Variants in OSBP2 observed in about 807,000 individuals in gnomAD.
The protein encoded by OSBP2 is oxysterol-binding protein 2.
In OSBP2, 66 loss-of-function variants were observed where a neutral mutation model predicts 96.0. The observed-to-expected ratio is 0.69, with a 90% CI of 0.56 to 0.84. OSBP2 has a LOEUF of 0.84. OSBP2 is among the 40% of genes least tolerant of loss of function. The pLI is 0.00. For missense variants in OSBP2, 1,038 were observed against 1,222.7 expected, an observed-to-expected ratio of 0.85 and a Z score of 2.25; for synonymous variants, 525 against 520.9, an observed-to-expected ratio of 1.01 and a Z score of -0.11.
chr22:30,850,300 C>G (rs2038955118), intron 2 of OSBP2, among the ~76,000 whole-genome samples: 1 of 129,860 alleles, frequency 7.7e-6, no homozygotes, highest in South Asian at 2.9e-4. Flanking sequence ...GAGCTAGACT[C>G]TGTCTCAAAA....
chr22:30,779,677 C>T (rs1327849284), intron 2 of OSBP2, among the ~76,000 whole-genome samples: 1 of 152,154 alleles, frequency 6.6e-6, no homozygotes, highest in Non-Finnish European at 1.5e-5. Flanking sequence ...CCCACATTTG[C>T]CCTTCACTGA....
intron 1 of OSBP2, among the ~76,000 whole-genome samples, chr22:30,717,163 C>T (rs1207284567): frequency 6.8e-6 from 1 of 146,914 alleles, no homozygotes; most frequent in African/African-American, 2.6e-5. Flanking sequence ...GTTGCTCAGG[C>T]TGATCTTGAA....
chr22:30,850,507 C>T (rs1171879289), intron 2 of OSBP2, among the ~76,000 whole-genome samples: 2 of 151,930 alleles, frequency 1.3e-5, no homozygotes, highest in Non-Finnish European at 1.5e-5. Flanking sequence ...ATTCTTCATC[C>T]TTTGATTTTT....
chr22:30,865,556 C>T (rs1459638832), intron 2 of OSBP2, among the ~76,000 whole-genome samples: 2 of 142,146 alleles, frequency 1.4e-5, no homozygotes, highest in Non-Finnish European at 3.0e-5. Context: ...TGCATGAACC[C>T]AGGAGGTGGA....
At chr22:30,828,546 C>T (rs1160016521) in intron 2 of OSBP2, among the ~76,000 whole-genome samples, 1 of 152,210 alleles carries the variant, frequency 6.6e-6, no homozygotes, top group Non-Finnish European at 1.5e-5. Context: ...TTGAGGCATG[C>T]AGGAGTCCAT....
chr22:30,868,715 C>G lies in OSBP2; in HGVS notation c.854-1714C>G, dbSNP rs374719837. On this transcript the variant is annotated intron_variant, in intron 2 of 13. Transcript: ENST00000332585. ...TGGATGCTGACCCAAGCCCCTGTGGCCAGAGGGGGACAGGGTATGCCGTGG... is the reference window on the plus strand; with the variant it reads ...TGGATGCTGACCCAAGCCCCTGTGGGCAGAGGGGGACAGGGTATGCCGTGG... Among the ~76,000 whole-genome samples, 415 of 152,302 alleles carry G rather than the reference C, an allele frequency of 2.7e-3. 26 individuals are homozygous for G. The South Asian group carries it at 0.085, about 31-fold the overall frequency.
chr22:30,906,507 A>C lies in OSBP2; in HGVS notation c.*168A>C. On this transcript the variant is annotated 3_prime_UTR_variant, in exon 14 of 14. Coordinates refer to ENST00000332585, the MANE Select transcript of OSBP2 (RefSeq NM_030758.4). ...CACTTTCTTGGGACTCCCACCTTGGAAGGAGGAAGGGCTGACCTGGGTTCT... is the reference window on the plus strand; with the variant it reads ...CACTTTCTTGGGACTCCCACCTTGGCAGGAGGAAGGGCTGACCTGGGTTCT... 1.2e-6 allele frequency: 1 copy of C among 818,932 alleles called. No homozygotes were observed. The highest frequency in any genetic ancestry group is 2.4e-5 in the South Asian group (1 of 41,252). The allele number at this position is 818,932 out of a possible 1,614,324, so 50.7% of individuals were successfully genotyped here.
At chr22:30,743,277 G>A (rs1211883067) in intron 2 of OSBP2, among the ~76,000 whole-genome samples, 1 of 152,182 alleles carries the variant, frequency 6.6e-6, no homozygotes, top group Non-Finnish European at 1.5e-5. Flanking sequence ...GTTGGGGTCT[G>A]TCTCCCAGCT....
At chr22:30,818,560 C>T (rs956260176) in intron 2 of OSBP2, among the ~76,000 whole-genome samples, 1 of 152,106 alleles carries the variant, frequency 6.6e-6, no homozygotes, top group Admixed American at 6.6e-5. Flanking sequence ...TTTCTGGGGC[C>T]GCCGTGAGTG....
intron 1 of OSBP2, among the ~76,000 whole-genome samples, chr22:30,717,091 TGTGTGTGTGTGTGTGTG>T (rs2089472643): frequency 1.6e-5 from 1 of 64,292 alleles, no homozygotes; most frequent in Admixed American, 1.7e-4. Context: ...TTACTGTTTT[TGTGTGTGTGTGTGTGTG>T]TGTGTGTGTG....
intron 2 of OSBP2, among the ~76,000 whole-genome samples, chr22:30,782,641 C>T (rs546234516): frequency 8.8e-4 from 134 of 152,290 alleles, no homozygotes; most frequent in Non-Finnish European, 1.6e-3. Flanking sequence ...ATTGTGTGGA[C>T]GCACCACAGT....
At chr22:30,751,648 C>A (rs966929379) in intron 2 of OSBP2, among the ~76,000 whole-genome samples, 1 of 152,196 alleles carries the variant, frequency 6.6e-6, no homozygotes, top group African/African-American at 2.4e-5. Context: ...AGCCACTGCG[C>A]CCAGCCCTCT....
intron 2 of OSBP2, among the ~76,000 whole-genome samples, chr22:30,779,022 G>T (rs5753309): frequency 0.46 from 68,614 of 149,952 alleles, 17,415 homozygotes; most frequent in African/African-American, 0.7. Context: ...GGCAACAGAA[G>T]GAGACTCCAT....
intron 3 of OSBP2, among the ~76,000 whole-genome samples, chr22:30,880,981 A>T (rs563283935): frequency 6.6e-6 from 1 of 152,266 alleles, no homozygotes; most frequent in East Asian, 1.9e-4. Context: ...CCTGGTGGTC[A>T]GGCAGGGCCT....
intron 1 of OSBP2, among the ~76,000 whole-genome samples, chr22:30,716,668 C>T (rs2089461619): frequency 6.6e-6 from 1 of 152,108 alleles, no homozygotes; most frequent in Admixed American, 6.6e-5. Context: ...GAACTCCTGA[C>T]CTCAAGTGAT....
intron 2 of OSBP2, among the ~76,000 whole-genome samples, chr22:30,854,910 G>A (rs2039050341): frequency 6.6e-6 from 1 of 152,216 alleles, no homozygotes; most frequent in Non-Finnish European, 1.5e-5. Context: ...CGTGGTGGAA[G>A]GGGAAGCAAA....
At chr22:30,721,705 A>C (rs1018136609) in intron 1 of OSBP2, among the ~76,000 whole-genome samples, 2 of 152,168 alleles carry the variant, frequency 1.3e-5, no homozygotes, top group African/African-American at 2.4e-5. Flanking sequence ...AAAATTCCTG[A>C]ATAAATTGTA....
intron 8 of OSBP2, among the ~76,000 whole-genome samples, chr22:30,892,064 A>G (rs2039960997): frequency 6.6e-6 from 1 of 152,018 alleles, no homozygotes; most frequent in Non-Finnish European, 1.5e-5. Flanking sequence ...CTGCCAGAGG[A>G]ACCCTCCACT....
intron 2 of OSBP2, among the ~76,000 whole-genome samples, chr22:30,756,661 C>T (rs1485568198): frequency 2.6e-5 from 4 of 152,094 alleles, no homozygotes; most frequent in African/African-American, 4.8e-5. Flanking sequence ...CCGCTGCACT[C>T]CAGCTTGGAC....
Sources: gnomAD v4.1 joint callset for allele counts (sites outside exome capture counted in the v4.1 genomes callset) on GRCh38, gnomAD v4.1.1 for gene constraint, MANE v1.5 for transcripts, NCBI Gene and HGNC (gene_info 2026-07-23, HGNC 2026-07-21) for gene names.